HACD2: variants seen among roughly 807,000 people sequenced by gnomAD.
The protein encoded by HACD2 is very-long-chain (3R)-3-hydroxyacyl-CoA dehydratase 2.
Under a neutral mutation model 31.0 loss-of-function variants are expected in HACD2, and 15 were observed. The observed-to-expected ratio is 0.48, with a 90% CI of 0.32 to 0.75. The LOEUF (loss-of-function observed/expected upper bound fraction) is 0.75, where lower values mean the gene tolerates loss of function less well. Ranked by LOEUF, HACD2 falls within the 30% of genes least tolerant of loss-of-function variation. The probability of loss-of-function intolerance (pLI) is 0.03; values close to 1 mark genes in which losing one functional copy is unlikely to be tolerated. For missense variants in HACD2, 283 were observed against 313.0 expected (o/e 0.90, Z 0.72); for synonymous variants, 115 against 122.2 (o/e 0.94, Z 0.39).
intron 3 of HACD2, among the ~76,000 whole-genome samples, chr3:123,543,513 G>A (rs13081299): frequency 0.038 from 5,851 of 152,108 alleles, 701 homozygotes; most frequent in East Asian, 0.35. Context: ...GGGGGACTGG[G>A]GTGGGAAAGA....
In HACD2 at chr3:123,492,668, A is replaced by G. The variant is rs1270321148; in HGVS notation, c.*2220T>C. ...CACTGTTTGCAACAGAATGTTTTTT[A>G]TAAGTAGTGACAAATTATAATAAGG... On this transcript the variant is annotated 3_prime_UTR_variant, in exon 7 of 7. Coordinates refer to ENST00000383657, the MANE Select transcript of HACD2 (RefSeq NM_198402.5). 1 of 152,176 alleles carries G rather than the reference A, an allele frequency of 6.6e-6. No homozygotes were observed. The highest frequency in any genetic ancestry group is 1.5e-5 in the Non-Finnish European group (1 of 68,026). 9.4% of individuals were successfully genotyped at this position (152,176 alleles called of 1,614,324 possible). A position where few individuals can be genotyped will look rare whatever the true frequency, so the allele number is the denominator to read the frequency against.
intron 3 of HACD2, among the ~76,000 whole-genome samples, chr3:123,556,917 G>T (rs2056678736): frequency 6.6e-6 from 1 of 152,212 alleles, no homozygotes; most frequent in Non-Finnish European, 1.5e-5. Context: ...CTATTAGAAT[G>T]TCTGAAGTCC....
rs1327866400 is a variant in HACD2 at position 123,495,535 on chromosome 3, T to TGAG, written c.683-568_683-566dup. ...TGGGAAGTAGTTTCGGGTAAAGACT[T>TGAG]GAGGAGGAGGAGGAATGCCACAACA... On this transcript the variant is annotated intron_variant, in intron 6 of 6. Coordinates refer to ENST00000383657, the MANE Select transcript of HACD2 (RefSeq NM_198402.5). Among the ~76,000 whole-genome samples, 55 of 151,258 alleles carry TGAG rather than the reference T, an allele frequency of 3.6e-4. 2 individuals carry two copies. The highest frequency in any genetic ancestry group is 3.2e-3 in the Admixed American group (49 of 15,170).
intron 6 of HACD2, among the ~76,000 whole-genome samples, chr3:123,496,474 C>T (rs193079021): frequency 1.6e-4 from 24 of 152,270 alleles, no homozygotes; most frequent in African/African-American, 4.8e-4. Flanking sequence ...GACACCAGTG[C>T]GTGTGTGACA....
intron 4 of HACD2, among the ~76,000 whole-genome samples, chr3:123,514,208 G>A (rs2056103705): frequency 6.6e-6 from 1 of 152,186 alleles, no homozygotes; most frequent in African/African-American, 2.4e-5. Context: ...CCAGGAGGCA[G>A]AGGTTGCAGT....
rs1049458859 is a variant in HACD2, at chr3:123,510,373, G to A, written c.382-7692C>T. Reference sequence around the variant, plus strand: ...AGTGATTCTCCTGCCTCAGCCTCCCGAGTAGCTGGGATTACAGCCACCCAC... The same window carrying A: ...AGTGATTCTCCTGCCTCAGCCTCCCAAGTAGCTGGGATTACAGCCACCCAC... On this transcript the variant is annotated intron_variant, in intron 4 of 6. Transcript: ENST00000383657. 4.6e-5 allele frequency among the ~76,000 whole-genome samples: 7 copies of A among 152,068 alleles called. No homozygotes were observed. In the East Asian group the frequency reaches 7.7e-4, roughly 17 times the overall value.
chr3:123,514,501 T>C (rs1389894004), intron 4 of HACD2, among the ~76,000 whole-genome samples: 8 of 152,204 alleles, frequency 5.3e-5, no homozygotes, highest in Admixed American at 4.6e-4. Context: ...TATCTGGTTC[T>C]CTAAACATAT....
intron 3 of HACD2, among the ~76,000 whole-genome samples, chr3:123,547,803 C>T (rs9859678): frequency 0.46 from 69,188 of 152,004 alleles, 18,483 homozygotes; most frequent in African/African-American, 0.73. Context: ...TTAACATCTA[C>T]TAAGAGCATT....
chr3:123,498,529 T>A (rs570799418), intron 6 of HACD2, among the ~76,000 whole-genome samples: 1 of 152,316 alleles, frequency 6.6e-6, no homozygotes, highest in Admixed American at 6.5e-5. Context: ...TGGCTTTAGA[T>A]TCTCATAGAA....
At chr3:123,547,281 T>C (rs768994197) in intron 3 of HACD2, among the ~76,000 whole-genome samples, 1 of 152,204 alleles carries the variant, frequency 6.6e-6, no homozygotes, top group Non-Finnish European at 1.5e-5. Flanking sequence ...TCTAACCAAC[T>C]AAGCAAATCA....
Position 123,532,833 on chromosome 3 carries a change from C to CA in HACD2, c.293-4360dup, listed in dbSNP as rs35001570. ...AGGGTGACAGAGTGAGACTCCGTCT[C>CA]AAAAAAAAAAAAAAAAAAAAAAAAA... is the stretch of plus-strand genomic sequence containing the variant. On this transcript the variant is annotated intron_variant, in intron 3 of 6. Coordinates refer to ENST00000383657, the MANE Select transcript of HACD2 (RefSeq NM_198402.5). Among the ~76,000 whole-genome samples, 305 of 71,380 alleles carry CA rather than the reference C, an allele frequency of 4.3e-3. 10 individuals are homozygous for CA. Among genetic ancestry groups the CA allele is most frequent in the African/African-American group, 9.1e-3 (142 of 15,656 alleles). The allele number at this position is 71,380 out of a possible 152,430, so 46.8% of individuals were successfully genotyped here. A position where few individuals can be genotyped will look rare whatever the true frequency, so the allele number is the denominator to read the frequency against.
At chr3:123,515,460 G>T (rs1044251857) in intron 4 of HACD2, among the ~76,000 whole-genome samples, 15 of 152,170 alleles carry the variant, frequency 9.9e-5, no homozygotes, top group Non-Finnish European at 5.9e-5. Flanking sequence ...CCCAACTGCA[G>T]TCTCAGCAAA....
At chr3:123,523,716 G>A (rs1172686074) in intron 4 of HACD2, among the ~76,000 whole-genome samples, 3 of 152,206 alleles carry the variant, frequency 2.0e-5, no homozygotes, top group Non-Finnish European at 2.9e-5. Flanking sequence ...GTTACCTCAG[G>A]TGGGAATGGC....
At chr3:123,581,983 T>A (rs1028118911) in intron 2 of HACD2, among the ~76,000 whole-genome samples, 1 of 152,114 alleles carries the variant, frequency 6.6e-6, no homozygotes, top group African/African-American at 2.4e-5. Context: ...TCAGTTGATT[T>A]CCCAAAAAAG....
chr3:123,516,049 C>T (rs530685382), intron 4 of HACD2, among the ~76,000 whole-genome samples: 15 of 152,106 alleles, frequency 9.9e-5, no homozygotes, highest in Middle Eastern at 3.4e-3. Flanking sequence ...CATGAGCCAC[C>T]GCGCCTGGCC....
intron 3 of HACD2, among the ~76,000 whole-genome samples, chr3:123,530,687 G>A (rs1018124199): frequency 1.3e-5 from 2 of 151,956 alleles, no homozygotes; most frequent in African/African-American, 2.4e-5. Context: ...GATTACAGGC[G>A]TGAGCCACTG....
rs11391480 is a variant in HACD2, at chr3:123,542,146, C to CAAAAAAA, written c.293-13679_293-13673dup. Among the ~76,000 whole-genome samples, 22 of 41,066 alleles carry CAAAAAAA rather than the reference C, an allele frequency of 5.4e-4. 1 individual carries two copies. The highest frequency in any genetic ancestry group is 1.7e-3 in the African/African-American group (10 of 5,822). 26.9% of individuals were successfully genotyped at this position (41,066 alleles called of 152,430 possible). A position where few individuals can be genotyped will look rare whatever the true frequency, so the allele number is the denominator to read the frequency against. On this transcript the variant is annotated intron_variant, in intron 3 of 6. Transcript: ENST00000383657. Reference sequence around the variant, plus strand: ...TGGGCGACAGAGCGAGACTCCGTCTCAAAAAAAAAAAAAAAAAAAAAAAAA... The same window carrying CAAAAAAA: ...TGGGCGACAGAGCGAGACTCCGTCTCAAAAAAAAAAAAAAAAAAAAAAAAAAAAAAAA...
intron 2 of HACD2, among the ~76,000 whole-genome samples, chr3:123,571,393 G>C (rs2056854679): frequency 6.6e-6 from 1 of 152,172 alleles, no homozygotes; most frequent in Non-Finnish European, 1.5e-5. Flanking sequence ...GGGTGGACCA[G>C]ACCCAACCAG....
intron 6 of HACD2, 51 bp from the exon 7 acceptor site, chr3:123,495,021 C>G: frequency 3.5e-6 from 4 of 1,139,676 alleles, no homozygotes; most frequent in Middle Eastern, 2.3e-4. Flanking sequence ...ATTGCATATG[C>G]TCTATTTAAA....
Sources: gnomAD v4.1 joint callset for allele counts (sites outside exome capture counted in the v4.1 genomes callset) on GRCh38, gnomAD v4.1.1 for gene constraint, MANE v1.5 for transcripts, NCBI Gene and HGNC (gene_info 2026-07-23, HGNC 2026-07-21) for gene names.